The following GPC5 variants were observed in gnomAD, a reference collection of about 807,000 sequenced individuals.
GPC5 encodes glypican 5, also known as glypican-5.
In GPC5, 47 loss-of-function variants were observed where a neutral mutation model predicts 53.9. The ratio of observed to expected loss-of-function variants is 0.87; its 90% CI spans 0.69 to 1.11. GPC5 has a LOEUF of 1.11. Among genes scored for constraint, GPC5 ranks in the 50% most tolerant of loss-of-function variants. The pLI is 0.00. For synonymous variants in GPC5, 286 were observed against 263.3 expected, an observed-to-expected ratio of 1.09 and a Z score of -0.84; for missense variants, 748 against 713.1, an observed-to-expected ratio of 1.05 and a Z score of -0.56.
intron 7 of GPC5, among the ~76,000 whole-genome samples, chr13:92,430,518 G>A (rs1877038339): frequency 6.6e-6 from 1 of 151,256 alleles, no homozygotes. Context: ...ACTTGAAACA[G>A]ACATATCTGA....
At position 91,399,114 on chromosome 13, in the gene GPC5, G is replaced by T. The variant is rs200442466; in HGVS notation, c.68G>T (p.Arg23Leu). ...CTTCTGGCCCTGGTTGGGTCCGCCC[G>T]CAGCGAGGGCGTGCAGACCTGCGAA... ...LLLLALVGSA[R>L]SEGVQTCEEV... The change falls in exon 1 of 8, where the codon CGC becomes CTC. Residue 23 changes from arginine to leucine, a missense_variant. Physicochemically the swap from Arg to Leu is moderately radical, Grantham distance 102 (BLOSUM62 -2). Coordinates refer to ENST00000377067, the MANE Select transcript of GPC5 (RefSeq NM_004466.6). 6 of 1,608,042 alleles carry T rather than the reference G, an allele frequency of 3.7e-6. No individual in the cohort carries two copies. In the African/African-American group the frequency reaches 4.0e-5, roughly 11 times the overall value.
At chr13:91,826,902 G>C (rs1471789152) in intron 5 of GPC5, among the ~76,000 whole-genome samples, 9 of 151,948 alleles carry the variant, frequency 5.9e-5, no homozygotes, top group Non-Finnish European at 5.9e-5. Context: ...CAAAATTTAA[G>C]AGTGGAAAGA....
At chr13:91,805,882 C>G (rs912087407) in intron 5 of GPC5, among the ~76,000 whole-genome samples, 7 of 152,066 alleles carry the variant, frequency 4.6e-5, no homozygotes, top group Non-Finnish European at 1.0e-4. Flanking sequence ...TTTGGCTTTG[C>G]AAGCTCAAGC....
At chr13:92,565,824 C>T (rs1177494428) in intron 7 of GPC5, among the ~76,000 whole-genome samples, 1 of 151,836 alleles carries the variant, frequency 6.6e-6, no homozygotes, top group Non-Finnish European at 1.5e-5. Flanking sequence ...AAAGATGATA[C>T]ATTTTTCTTT....
intron 7 of GPC5, among the ~76,000 whole-genome samples, chr13:92,402,375 C>A (rs1875598533): frequency 6.6e-6 from 1 of 152,096 alleles, no homozygotes; most frequent in African/African-American, 2.4e-5. Context: ...ACAAAGCAAT[C>A]AATATGTGAG....
At chr13:91,767,755 A>AT (rs1206621376) in intron 5 of GPC5, among the ~76,000 whole-genome samples, 1 of 152,212 alleles carries the variant, frequency 6.6e-6, no homozygotes, top group Non-Finnish European at 1.5e-5. Flanking sequence ...ATAGAGGAAG[A>AT]TAAAAAGATA....
At chr13:92,444,329 A>G (rs1167473994) in intron 7 of GPC5, among the ~76,000 whole-genome samples, 2 of 152,178 alleles carry the variant, frequency 1.3e-5, no homozygotes, top group Non-Finnish European at 2.9e-5. Context: ...AGAAGCAAGA[A>G]AAAGGGAAAA....
intron 7 of GPC5, among the ~76,000 whole-genome samples, chr13:92,181,236 CA>C (rs1168998380): frequency 6.6e-6 from 1 of 152,098 alleles, no homozygotes; most frequent in African/African-American, 2.4e-5. Flanking sequence ...TAAAACTACT[CA>C]CATGATATCA....
intron 7 of GPC5, among the ~76,000 whole-genome samples, chr13:92,650,055 AT>A (rs1316704496): frequency 6.6e-6 from 1 of 151,928 alleles, no homozygotes; most frequent in Admixed American, 6.6e-5. Flanking sequence ...GTTTCTCATC[AT>A]AAGTTCACCT....
chr13:91,470,712 G>A (rs9301731), intron 2 of GPC5, among the ~76,000 whole-genome samples: 2,201 of 152,172 alleles, frequency 0.014, 55 homozygotes, highest in African/African-American at 0.046. Context: ...ATGTAAAAGT[G>A]TCTGAAGTAA....
At chr13:92,136,741 C>G (rs1391093216) in intron 6 of GPC5, among the ~76,000 whole-genome samples, 2 of 152,182 alleles carry the variant, frequency 1.3e-5, no homozygotes, top group African/African-American at 2.4e-5. Flanking sequence ...TCTTTCACCA[C>G]TAACAGGTTG....
At chr13:92,371,979 G>A (rs1263280554) in intron 7 of GPC5, among the ~76,000 whole-genome samples, 1 of 152,216 alleles carries the variant, frequency 6.6e-6, no homozygotes, top group Non-Finnish European at 1.5e-5. Flanking sequence ...ACCTCTAGAA[G>A]TGGAGAATGG....
intron 7 of GPC5, among the ~76,000 whole-genome samples, chr13:92,842,491 A>G (rs2138834905): frequency 6.6e-6 from 1 of 152,172 alleles, no homozygotes; most frequent in East Asian, 1.9e-4. Flanking sequence ...GAGAGTTGTA[A>G]CTATCTTATC....
chr13:92,332,228 G>A (rs2043292833), intron 7 of GPC5, among the ~76,000 whole-genome samples: 2 of 152,034 alleles, frequency 1.3e-5, no homozygotes, highest in South Asian at 4.1e-4. Flanking sequence ...GGTTAGGCAG[G>A]ATATATTTGA....
chr13:91,797,668 C>T (rs1444395238), intron 5 of GPC5, among the ~76,000 whole-genome samples: 1 of 152,170 alleles, frequency 6.6e-6, no homozygotes, highest in Non-Finnish European at 1.5e-5. Flanking sequence ...TGATCAGAGT[C>T]AGCGGTTTGA....
intron 6 of GPC5, among the ~76,000 whole-genome samples, chr13:92,033,036 C>CGT (rs60958496): frequency 0.029 from 3,974 of 139,018 alleles, 79 homozygotes; most frequent in East Asian, 0.042. Context: ...TAGTTATTGT[C>CGT]GTGTGTGTGT....
intron 7 of GPC5, among the ~76,000 whole-genome samples, chr13:92,730,534 G>A (rs532966818): frequency 1.3e-5 from 2 of 151,322 alleles, no homozygotes; most frequent in East Asian, 3.9e-4. Flanking sequence ...TTAGGTCTGT[G>A]ATCCATTTTG....
intron 7 of GPC5, among the ~76,000 whole-genome samples, chr13:92,744,670 CAATT>C: frequency 6.6e-6 from 1 of 152,024 alleles, no homozygotes; most frequent in East Asian, 1.9e-4. Context: ...TTGAAGGAAT[CAATT>C]AAAGTGATGA....
At chr13:92,827,128 C>T (rs1157814392) in intron 7 of GPC5, among the ~76,000 whole-genome samples, 1 of 151,812 alleles carries the variant, frequency 6.6e-6, no homozygotes, top group Non-Finnish European at 1.5e-5. Flanking sequence ...GGGTCTTATC[C>T]ATCTAAAAAT....
Sources: allele counts gnomAD v4.1 joint callset (sites outside exome capture counted in the v4.1 genomes callset), GRCh38; gene constraint gnomAD v4.1.1; transcripts MANE v1.5; gene names NCBI Gene and HGNC (gene_info 2026-07-23, HGNC 2026-07-21).